CDH9: variants seen among roughly 807,000 people sequenced by gnomAD.
The protein encoded by CDH9 is cadherin 9.
CDH9 carries 28 observed loss-of-function variants against 70.9 expected under a neutral mutation model. The ratio of observed to expected loss-of-function variants is 0.40; its 90% CI spans 0.29 to 0.54. CDH9 has a LOEUF of 0.54. CDH9 is among the 20% of genes least tolerant of loss of function. The pLI is 0.59. For synonymous variants in CDH9, 409 were observed against 343.1 expected (o/e 1.19, Z -2.12); for missense variants, 874 against 984.4 (o/e 0.89, Z 1.50).
intron 2 of CDH9, among the ~76,000 whole-genome samples, chr5:26,949,592 G>A (rs992785610): frequency 3.9e-5 from 6 of 152,140 alleles, no homozygotes; most frequent in African/African-American, 7.2e-5. Flanking sequence ...TTGAACTCAT[G>A]TTCATCATGC....
In CDH9 at chr5:27,004,123, A is replaced by C. The variant is rs200387285; in HGVS notation, c.-49-15741T>G. ...GAATGCCTCTCTGAAAAAAAAAAAA[A>C]AAAAAAAGAGGGCCTCTCTCTTATG... On this transcript the variant is annotated intron_variant, in intron 1 of 11. Transcript: ENST00000231021. Among the ~76,000 whole-genome samples the C allele has an allele frequency of 9.1e-4, 138 of 151,484 alleles. No homozygotes were observed. The East Asian group carries it at 0.025, about 27-fold the overall frequency.
chr5:26,954,441 G>C (rs1579474187), intron 2 of CDH9, among the ~76,000 whole-genome samples: 1 of 117,500 alleles, frequency 8.5e-6, no homozygotes. Context: ...CTGGAGTGCA[G>C]TGGCGCCATC....
intron 2 of CDH9, among the ~76,000 whole-genome samples, chr5:26,968,458 G>A (rs1228642929): frequency 6.6e-6 from 1 of 151,710 alleles, no homozygotes; most frequent in Non-Finnish European, 1.5e-5. Context: ...GCTGATTTTT[G>A]TATTTTTAGT....
chr5:26,974,409 G>A (rs1742270796), intron 2 of CDH9, among the ~76,000 whole-genome samples: 1 of 151,946 alleles, frequency 6.6e-6, no homozygotes, highest in East Asian at 1.9e-4. Flanking sequence ...ATATTCGCCT[G>A]TTCATTTGAG....
rs145969203 is a variant in CDH9, at chr5:26,966,749, T to C, written c.228+21357A>G. Among the ~76,000 whole-genome samples the C allele has an allele frequency of 2.3e-3, 345 of 152,314 alleles. 3 individuals carry two copies. The highest frequency in any genetic ancestry group is 7.6e-3 in the African/African-American group (314 of 41,564). On this transcript the variant is annotated intron_variant, in intron 2 of 11. Transcript: ENST00000231021. Reference sequence around the variant, plus strand: ...TAAGCTCTGTGATATTACATTCTTCTGATTCCCTTATACCCTTTTCTCATC... The same window carrying C: ...TAAGCTCTGTGATATTACATTCTTCCGATTCCCTTATACCCTTTTCTCATC...
At chr5:26,975,693 A>C (rs1354724882) in intron 2 of CDH9, among the ~76,000 whole-genome samples, 1 of 152,210 alleles carries the variant, frequency 6.6e-6, no homozygotes, top group African/African-American at 2.4e-5. Flanking sequence ...CCAAACAAAC[A>C]AATATACAGA....
chr5:26,889,661 T>G (rs73748527), intron 9 of CDH9, among the ~76,000 whole-genome samples, 175 bp downstream of exon 9: 2 of 139,532 alleles, frequency 1.4e-5, no homozygotes, highest in Admixed American at 7.6e-5. Flanking sequence ...TATAAAAACA[T>G]TTTTAAATCA....
At chr5:26,948,519 G>A (rs1022647196) in intron 2 of CDH9, among the ~76,000 whole-genome samples, 2 of 152,188 alleles carry the variant, frequency 1.3e-5, no homozygotes, top group African/African-American at 4.8e-5. Context: ...TATGCAACAT[G>A]TGGCACTACC....
At chr5:26,905,295 G>T (rs1358786952) in intron 5 of CDH9, among the ~76,000 whole-genome samples, 1 of 152,070 alleles carries the variant, frequency 6.6e-6, no homozygotes, top group East Asian at 1.9e-4. Context: ...TCCTAAAATG[G>T]TGACAACTGA....
At chr5:26,891,192 A>G (rs1332585274) in intron 7 of CDH9, among the ~76,000 whole-genome samples, 1 of 152,228 alleles carries the variant, frequency 6.6e-6, no homozygotes, top group African/African-American at 2.4e-5. Context: ...CTTATTAAAG[A>G]TAAGACTCTG....
intron 2 of CDH9, among the ~76,000 whole-genome samples, chr5:26,928,881 G>A (rs1741391505): frequency 6.6e-6 from 1 of 151,898 alleles, no homozygotes; most frequent in African/African-American, 2.4e-5. Flanking sequence ...TTTCAAGTTA[G>A]GAAACTACTA....
intron 1 of CDH9, among the ~76,000 whole-genome samples, chr5:27,035,334 G>A (rs982418889): frequency 5.9e-5 from 9 of 151,392 alleles, no homozygotes; most frequent in Non-Finnish European, 7.4e-5. Flanking sequence ...ATAATGTCAT[G>A]GGTATTGAGA....
At chr5:26,964,139 CTCTT>C (rs1352123379) in intron 2 of CDH9, among the ~76,000 whole-genome samples, 1 of 22,832 alleles carries the variant, frequency 4.4e-5, no homozygotes, top group East Asian at 0.5. Context: ...CAAGAAAAGA[CTCTT>C]ATCTTCACAA....
Position 26,933,735 on chromosome 5 carries a change from A to G in CDH9, c.229-17811T>C, listed in dbSNP as rs552493262. On this transcript the variant is annotated intron_variant, in intron 2 of 11. Transcript: ENST00000231021. ...GCGGAGGTTGCAGTGAGCTGAGATC[A>G]AGCCACTGCACTCCAGCCAGGCGAC... is the stretch of plus-strand genomic sequence containing the variant. 4.6e-5 allele frequency among the ~76,000 whole-genome samples: 7 copies of G among 152,034 alleles called. No individual in the cohort carries two copies. The East Asian group carries it at 1.2e-3, about 25-fold the overall frequency.
chr5:27,006,164 C>T (rs959024338), intron 1 of CDH9, among the ~76,000 whole-genome samples: 1 of 151,582 alleles, frequency 6.6e-6, no homozygotes, highest in African/African-American at 2.4e-5. Flanking sequence ...TACCCTCGAA[C>T]CTATAATAAA....
At chr5:26,907,081 T>A in intron 3 of CDH9, among the ~76,000 whole-genome samples, 1 of 152,172 alleles carries the variant, frequency 6.6e-6, no homozygotes, top group East Asian at 1.9e-4. Flanking sequence ...GTAAGGTGAA[T>A]ATAATAAGAC....
chr5:26,997,087 C>T (rs1258139084), intron 1 of CDH9, among the ~76,000 whole-genome samples: 1 of 151,730 alleles, frequency 6.6e-6, no homozygotes, highest in Non-Finnish European at 1.5e-5. Flanking sequence ...AAAATAACAT[C>T]ATATATTATA....
chr5:26,937,477 T>C (rs1311043938), intron 2 of CDH9, among the ~76,000 whole-genome samples: 1 of 152,112 alleles, frequency 6.6e-6, no homozygotes, highest in African/African-American at 2.4e-5. Context: ...CCTACAAAGC[T>C]AAACAGTCAC....
chr5:27,005,024 C>A (rs1352028142), intron 1 of CDH9, among the ~76,000 whole-genome samples: 1 of 152,030 alleles, frequency 6.6e-6, no homozygotes. Flanking sequence ...ATTTGATATT[C>A]AGCTAATATG....
Sources: gnomAD v4.1 joint callset for allele counts (sites outside exome capture counted in the v4.1 genomes callset) on GRCh38, gnomAD v4.1.1 for gene constraint, MANE v1.5 for transcripts, NCBI Gene and HGNC (gene_info 2026-07-23, HGNC 2026-07-21) for gene names.